SCFD2: variants seen among roughly 807,000 people sequenced by gnomAD.
The protein encoded by SCFD2 is sec1 family domain-containing protein 2.
Under a neutral mutation model 58.9 loss-of-function variants are expected in SCFD2, and 54 were observed. The observed-to-expected ratio is 0.92, with a 90% confidence interval of 0.74 to 1.15. The LOEUF (loss-of-function observed/expected upper bound fraction) is 1.15, where lower values mean the gene tolerates loss of function less well. Among genes scored for constraint, SCFD2 ranks in the 50% most tolerant of loss-of-function variants. SCFD2 has a pLI of 0.00. For missense variants in SCFD2, 805 were observed against 836.6 expected (o/e 0.96, Z 0.47); for synonymous variants, 321 against 335.9 (o/e 0.96, Z 0.49).
rs1718405474 is a variant in SCFD2 at position 52,873,813 on chromosome 4, T to C, written c.*156A>G. 2.1e-6 allele frequency: 1 copy of C among 483,046 alleles called. No individual in the cohort carries two copies. Among genetic ancestry groups the C allele is most frequent in the Admixed American group, 3.4e-5 (1 of 29,386 alleles). 29.9% of individuals were successfully genotyped at this position (483,046 alleles called of 1,614,324 possible). On this transcript the variant is annotated 3_prime_UTR_variant, in exon 9 of 9. Coordinates refer to ENST00000401642, the MANE Select transcript of SCFD2 (RefSeq NM_152540.4). ...AAGAATCACAGCAATCCAAGCAAAG[T>C]ACCTCACTGAGTAGGTATCAAGACC...
At chr4:53,362,710 G>T (rs1358512904) in intron 1 of SCFD2, among the ~76,000 whole-genome samples, 2 of 152,102 alleles carry the variant, frequency 1.3e-5, no homozygotes, top group African/African-American at 4.8e-5. Context: ...ATTGAAGTTG[G>T]AAGAGCATGA....
chr4:53,029,780 A>G (rs1433435696), intron 5 of SCFD2, among the ~76,000 whole-genome samples: 2 of 152,370 alleles, frequency 1.3e-5, no homozygotes, highest in South Asian at 4.1e-4. Context: ...CTGTAATCCA[A>G]AAAATGAACC....
chr4:52,948,290 G>A (rs1720494205), intron 5 of SCFD2: 2 of 283,372 alleles, frequency 7.1e-6, no homozygotes, highest in South Asian at 7.0e-5. Context: ...CAGAGCCACA[G>A]CTTTCCCAGC....
chr4:53,049,351 T>C (rs1723126249), intron 5 of SCFD2, among the ~76,000 whole-genome samples: 1 of 151,992 alleles, frequency 6.6e-6, no homozygotes, highest in South Asian at 2.1e-4. Context: ...GTGTAGATTA[T>C]TGGTACTAAT....
chr4:53,189,770 TGGA>T (rs1344288482), intron 4 of SCFD2, among the ~76,000 whole-genome samples: 1 of 152,100 alleles, frequency 6.6e-6, no homozygotes, highest in Admixed American at 6.6e-5. Flanking sequence ...CAAAATAGAC[TGGA>T]GGAGGTTACT....
chr4:53,112,402 A>C (rs1316112403), intron 5 of SCFD2, among the ~76,000 whole-genome samples: 1 of 152,090 alleles, frequency 6.6e-6, no homozygotes, highest in Non-Finnish European at 1.5e-5. Flanking sequence ...CACCTCATCA[A>C]TATAAACTCA....
chr4:52,964,778 T>C (rs1453358841), intron 5 of SCFD2, among the ~76,000 whole-genome samples: 1 of 151,710 alleles, frequency 6.6e-6, no homozygotes, highest in Non-Finnish European at 1.5e-5. Flanking sequence ...TGCAGTTTGT[T>C]GTCCAGCCCT....
intron 5 of SCFD2, among the ~76,000 whole-genome samples, chr4:53,030,229 T>C (rs776632421): frequency 3.3e-5 from 5 of 152,146 alleles, no homozygotes; most frequent in Non-Finnish European, 5.9e-5. Context: ...AGATACTCAG[T>C]ATCATTAGTC....
rs757117791 is a variant in SCFD2 at position 53,365,241 on chromosome 4, T to G, written c.701A>C (p.Glu234Ala). Residue 234 changes from glutamate (E) to alanine (A), a missense_variant, in exon 1 of 9, where the codon GAG (glutamate) becomes GCG (alanine). Coordinates refer to ENST00000401642, the MANE Select transcript of SCFD2 (RefSeq NM_152540.4). This position sits in a 1 kb window ranked among gnomAD's most constrained non-coding sequence, Gnocchi z 4.3. Reference sequence around the variant, plus strand: ...TAAGGAACCTACAGCAAAACACTCCTCCCGTACTCCTAAATGTTCACACAG... The same window carrying G: ...TAAGGAACCTACAGCAAAACACTCCGCCCGTACTCCTAAATGTTCACACAG... ...SSLCEHLGVR[E>A]ECFAVGSLSQ... 1.9e-6 allele frequency: 3 copies of G among 1,614,136 alleles called. No individual in the cohort carries two copies. The highest frequency in any genetic ancestry group is 2.5e-6 in the Non-Finnish European group (3 of 1,180,020).
At chr4:52,940,795 C>T (rs1032825327) in intron 5 of SCFD2, among the ~76,000 whole-genome samples, 8 of 152,218 alleles carry the variant, frequency 5.3e-5, no homozygotes, top group African/African-American at 1.2e-4. Context: ...ATAGAAAGTG[C>T]GGAAGGGACG....
intron 4 of SCFD2, among the ~76,000 whole-genome samples, chr4:53,187,194 A>G (rs1357650283): frequency 6.6e-6 from 1 of 152,090 alleles, no homozygotes; most frequent in Non-Finnish European, 1.5e-5. Flanking sequence ...AAATGAGAAA[A>G]ACATGAGAAA....
At chr4:52,877,317 A>G (rs1180033129) in intron 8 of SCFD2, among the ~76,000 whole-genome samples, 1 of 152,102 alleles carries the variant, frequency 6.6e-6, no homozygotes, top group Non-Finnish European at 1.5e-5. Context: ...TGGAGGGGTG[A>G]AAAGAAACAG....
intron 3 of SCFD2, among the ~76,000 whole-genome samples, chr4:53,296,083 T>C (rs887662334): frequency 6.6e-6 from 1 of 152,246 alleles, no homozygotes; most frequent in Non-Finnish European, 1.5e-5. Context: ...ATCAGGTATA[T>C]TGGCTTAAAA....
chr4:52,956,454 C>T (rs1355156113), intron 5 of SCFD2: 2 of 360,010 alleles, frequency 5.6e-6, no homozygotes, highest in Non-Finnish European at 5.4e-6. Flanking sequence ...CAGGTGGCCA[C>T]CAGGGTCCTG....
At chr4:53,295,108 T>C (rs930068990) in intron 3 of SCFD2, among the ~76,000 whole-genome samples, 1 of 152,164 alleles carries the variant, frequency 6.6e-6, no homozygotes, top group Non-Finnish European at 1.5e-5. Context: ...CTTAGGATTG[T>C]CTTGGCTATG....
At chr4:52,983,414 G>A (rs1393217950) in intron 5 of SCFD2, among the ~76,000 whole-genome samples, 6 of 152,158 alleles carry the variant, frequency 3.9e-5, no homozygotes, top group Non-Finnish European at 8.8e-5. Flanking sequence ...CTGTAATTGC[G>A]TGTGTATATA....
At chr4:53,017,413 C>T (rs191133129) in intron 5 of SCFD2, among the ~76,000 whole-genome samples, 1 of 152,294 alleles carries the variant, frequency 6.6e-6, no homozygotes, top group Non-Finnish European at 1.5e-5. Context: ...TCTGATGCTG[C>T]TGCTATCTGT....
chr4:52,923,151 C>G (rs1350177892), intron 5 of SCFD2, among the ~76,000 whole-genome samples: 1 of 152,122 alleles, frequency 6.6e-6, no homozygotes, highest in Non-Finnish European at 1.5e-5. Flanking sequence ...TCTTCATCTC[C>G]TGGTTTCCAG....
chr4:53,162,066 G>A (rs1279108046), intron 4 of SCFD2, among the ~76,000 whole-genome samples: 1 of 152,052 alleles, frequency 6.6e-6, no homozygotes, highest in African/African-American at 2.4e-5. Context: ...CTTTGCTTGA[G>A]CTCTTGGTAA....
Sources: allele counts gnomAD v4.1 joint callset (sites outside exome capture counted in the v4.1 genomes callset), GRCh38; gene constraint gnomAD v4.1.1; non-coding constraint Gnocchi (gnomAD v3.1); transcripts MANE v1.5; gene names NCBI Gene and HGNC (gene_info 2026-07-23, HGNC 2026-07-21).